The following QPCT variants were observed in gnomAD, a reference collection of about 807,000 sequenced individuals.
The protein encoded by QPCT is glutaminyl-peptide cyclotransferase.
A neutral mutation model predicts 43.4 loss-of-function variants in QPCT; 44 were observed. The ratio of observed to expected loss-of-function variants is 1.01; its 90% CI spans 0.80 to 1.30. The LOEUF is 1.30. QPCT is among the 50% of genes most tolerant of loss of function. The pLI, the probability that QPCT is intolerant of heterozygous loss-of-function variation, is 0.00. For synonymous variants in QPCT, 168 were observed against 168.4 expected (o/e 1.00, Z 0.02); for missense variants, 526 against 436.5 (o/e 1.21, Z -1.83).
At position 37,344,694 on chromosome 2, in the gene QPCT, G is replaced by A; in HGVS notation, c.-38G>A. 1 of 1,572,776 alleles carries A rather than the reference G, an allele frequency of 6.4e-7. No homozygotes were observed. Among genetic ancestry groups the A allele is most frequent in the Non-Finnish European group, 8.6e-7 (1 of 1,161,216 alleles). On this transcript the variant is annotated 5_prime_UTR_variant, in exon 1 of 7. Coordinates refer to ENST00000338415, the MANE Select transcript of QPCT (RefSeq NM_012413.4). Reference sequence around the variant, plus strand: ...CGCGTTCCCGGGCTCGTGACCGCCAGCGGCCCGGGGAACCCGCTCCCAGAC... The same window carrying A: ...CGCGTTCCCGGGCTCGTGACCGCCAACGGCCCGGGGAACCCGCTCCCAGAC...
intron 2 of QPCT, among the ~76,000 whole-genome samples, chr2:37,356,181 T>C (rs1273853066): frequency 1.3e-5 from 2 of 152,198 alleles, no homozygotes; most frequent in East Asian, 3.8e-4. Context: ...TCACTAGTGT[T>C]AACCTAGAAT....
Position 37,367,353 on chromosome 2 carries a change from T to A in QPCT, c.668T>A (p.Met223Lys), listed in dbSNP as rs769688106. The change falls in exon 4 of 7, where the codon ATG (methionine) becomes AAG (lysine). Residue 223 changes from methionine (M) to lysine (K), a missense_variant. Met to Lys is a moderately conservative substitution (Grantham distance 95, BLOSUM62 -1). Coordinates refer to ENST00000338415, the MANE Select transcript of QPCT (RefSeq NM_012413.4). ...GGGTCTCGACACTTAGCTGCAAAGA[T>A]GGCATCGACCCCGCACCCACCTGGA... is the stretch of plus-strand genomic sequence containing the variant. ...LYGSRHLAAK[M>K]ASTPHPPGAR... 6.2e-7 allele frequency: 1 copy of A among 1,614,056 alleles called. No individual in the cohort carries two copies. The highest frequency in any genetic ancestry group is 8.5e-7 in the Non-Finnish European group (1 of 1,179,940).
chr2:37,348,111 A>G (rs1042070242), intron 1 of QPCT, among the ~76,000 whole-genome samples: 1 of 151,582 alleles, frequency 6.6e-6, no homozygotes, highest in Non-Finnish European at 1.5e-5. Flanking sequence ...TTGCATTCTA[A>G]TGGAAGCAAC....
chr2:37,368,609 G>A (rs1673011359), intron 4 of QPCT: 2 of 471,128 alleles, frequency 4.2e-6, no homozygotes, highest in Middle Eastern at 3.2e-4. Flanking sequence ...GTTGGCATTT[G>A]CTCTCCCTCC....
chr2:37,360,021 C>T, intron 3 of QPCT, 163 bp downstream of exon 3: 1 of 756,254 alleles, frequency 1.3e-6, no homozygotes, highest in South Asian at 1.9e-5. Flanking sequence ...TTGGGAATAT[C>T]AACCATGGGC....
At chr2:37,370,420 G>A (rs577959039) in intron 5 of QPCT, among the ~76,000 whole-genome samples, 23 of 152,272 alleles carry the variant, frequency 1.5e-4, no homozygotes, top group African/African-American at 5.5e-4. Flanking sequence ...CCAGAGTCCT[G>A]TTTGAAGCAG....
chr2:37,345,427 C>T (rs558205577), intron 1 of QPCT, among the ~76,000 whole-genome samples: 1 of 152,302 alleles, frequency 6.6e-6, no homozygotes, highest in African/African-American at 2.4e-5. Flanking sequence ...AAGCCTTTTT[C>T]CTCCACTTAA....
chr2:37,346,544 G>C (rs890875587), intron 1 of QPCT, among the ~76,000 whole-genome samples: 1 of 152,170 alleles, frequency 6.6e-6, no homozygotes, highest in Non-Finnish European at 1.5e-5. Context: ...ATTTATGGGT[G>C]GGAAAAGGTG....
At position 37,359,633 on chromosome 2, in the gene QPCT, C is replaced by A. The variant is rs777108623; in HGVS notation, c.321C>A (p.Asp107Glu). The A allele has an allele frequency of 1.9e-6, 3 of 1,614,142 alleles. No homozygotes were observed. In the South Asian group the frequency reaches 3.3e-5, roughly 18 times the overall value. The change falls in exon 3 of 7, where the codon GAC (aspartate) becomes GAA (glutamate). Residue 107 changes from aspartate (D) to glutamate (E), a missense_variant. By Grantham distance (45) the Asp-to-Glu change is conservative. Coordinates refer to ENST00000338415, the MANE Select transcript of QPCT (RefSeq NM_012413.4). ...AGGCTGACTGGGTCTTGGAAATAGA[C>A]ACCTTCTTGAGTCAGACACCCTATG... ...RLQADWVLEI[D>E]TFLSQTPYGY... is the part of the protein sequence containing the mutation.
intron 2 of QPCT, among the ~76,000 whole-genome samples, chr2:37,358,486 A>T (rs995103787): frequency 9.9e-5 from 15 of 152,142 alleles, no homozygotes; most frequent in Non-Finnish European, 5.9e-5. Flanking sequence ...AAAACCAAGG[A>T]ACATAGGAAA....
Position 37,373,070 on chromosome 2 carries a change from AAAAT to A in QPCT, c.*249_*252del, listed in dbSNP as rs1283848771. 1 of 318,184 alleles carries A rather than the reference AAAAT, an allele frequency of 3.1e-6. No homozygotes were observed. The highest frequency in any genetic ancestry group is 5.6e-6 in the Non-Finnish European group (1 of 177,150). 19.7% of individuals were successfully genotyped at this position (318,184 alleles called of 1,614,324 possible). ...AAGAGGGACCGTGTAAAGAAAATGG[AAAAT>A]AAATATCTTTCAAAGACTCTTTTAG... On this transcript the variant is annotated 3_prime_UTR_variant, in exon 7 of 7. Coordinates refer to ENST00000338415, the MANE Select transcript of QPCT (RefSeq NM_012413.4).
intron 1 of QPCT, among the ~76,000 whole-genome samples, chr2:37,345,975 GTA>G (rs1412522591): frequency 1.3e-5 from 2 of 152,148 alleles, no homozygotes; most frequent in Non-Finnish European, 2.9e-5. Context: ...GCATAAAATA[GTA>G]TGTTATAGAG....
At chr2:37,351,469 C>A (rs1672624842) in intron 1 of QPCT, among the ~76,000 whole-genome samples, 1 of 152,142 alleles carries the variant, frequency 6.6e-6, no homozygotes, top group Admixed American at 6.5e-5. Context: ...AACTTTAATG[C>A]AATTTAAAAA....
At chr2:37,358,390 T>C (rs1175118697) in intron 2 of QPCT, among the ~76,000 whole-genome samples, 1 of 152,022 alleles carries the variant, frequency 6.6e-6, no homozygotes, top group Non-Finnish European at 1.5e-5. Context: ...TGAGCTGAGA[T>C]TGCACCATTG....
intron 3 of QPCT, among the ~76,000 whole-genome samples, chr2:37,362,346 A>C (rs1672871017): frequency 1.3e-5 from 2 of 152,172 alleles, no homozygotes; most frequent in East Asian, 3.9e-4. Flanking sequence ...AGCACCTTAC[A>C]ATTTTTGCCA....
chr2:37,349,206 G>A (rs1284385896), intron 1 of QPCT, among the ~76,000 whole-genome samples: 2 of 152,214 alleles, frequency 1.3e-5, no homozygotes, highest in African/African-American at 4.8e-5. Context: ...CCCCAGAGGG[G>A]CAAGGAGAGT....
At chr2:37,357,639 G>C (rs550344869) in intron 2 of QPCT, among the ~76,000 whole-genome samples, 1 of 152,178 alleles carries the variant, frequency 6.6e-6, no homozygotes, top group Non-Finnish European at 1.5e-5. Context: ...CATGCACAAT[G>C]CTATTTAGGA....
At chr2:37,350,283 G>A (rs887619223) in intron 1 of QPCT, among the ~76,000 whole-genome samples, 1 of 152,178 alleles carries the variant, frequency 6.6e-6, no homozygotes, top group Non-Finnish European at 1.5e-5. Context: ...GCTTCTGTTG[G>A]CAGGGTTGAG....
rs1453260151 is a variant in QPCT at position 37,369,793 on chromosome 2, C to T, written c.823+9C>T. ...AAGACTTCAAGCAATTGGTAAGCAC[C>T]ACTGTTATTAATGAATAAAACATCA... On this transcript the variant is annotated intron_variant, in intron 5 of 6. Coordinates refer to ENST00000338415, the MANE Select transcript of QPCT (RefSeq NM_012413.4). 6.5e-7 allele frequency: 1 copy of T among 1,538,264 alleles called. No individual in the cohort carries two copies. The highest frequency in any genetic ancestry group is 1.1e-5 in the South Asian group (1 of 89,464).
Sources: allele counts gnomAD v4.1 joint callset (sites outside exome capture counted in the v4.1 genomes callset), GRCh38; gene constraint gnomAD v4.1.1; transcripts MANE v1.5; gene names NCBI Gene and HGNC (gene_info 2026-07-23, HGNC 2026-07-21).